The following CCDC171 variants were observed in gnomAD, a reference collection of about 807,000 sequenced individuals.
CCDC171 encodes coiled-coil domain-containing protein 171.
Under a neutral mutation model 168.2 loss-of-function variants are expected in CCDC171, and 177 were observed. That is an observed-to-expected ratio of 1.05 (90% CI 0.93 to 1.19). The LOEUF (loss-of-function observed/expected upper bound fraction) is 1.19. CCDC171 is among the 50% of genes most tolerant of loss of function. CCDC171 has a pLI of 0.00. For missense variants in CCDC171, 1,991 were observed against 1,539.0 expected, an observed-to-expected ratio of 1.29 and a Z score of -4.91; for synonymous variants, 687 against 540.8, an observed-to-expected ratio of 1.27 and a Z score of -3.75.
chr9:15,650,506 G>C (rs7023275), intron 7 of CCDC171, among the ~76,000 whole-genome samples: 2 of 151,816 alleles, frequency 1.3e-5, no homozygotes, highest in Non-Finnish European at 2.9e-5. Context: ...GCATTATTTC[G>C]TACAGTTATT....
At chr9:15,655,962 C>T (rs2132916450) in intron 7 of CCDC171, among the ~76,000 whole-genome samples, 1 of 152,196 alleles carries the variant, frequency 6.6e-6, no homozygotes, top group East Asian at 1.9e-4. Flanking sequence ...TGGAAAATTT[C>T]AAAAATTGGT....
downstream of CCDC171, among the ~76,000 whole-genome samples, chr9:16,063,831 A>G (rs1586873552): frequency 6.6e-6 from 1 of 152,340 alleles, no homozygotes; most frequent in Admixed American, 6.5e-5. Flanking sequence ...CAAAGAAGTC[A>G]AGTGACTCAC....
intron 3 of CCDC171, among the ~76,000 whole-genome samples, chr9:15,576,577 G>A (rs567244111): frequency 1.3e-5 from 2 of 152,230 alleles, no homozygotes; most frequent in African/African-American, 2.4e-5. Flanking sequence ...AACCACTCCC[G>A]TGTTCTTAAG....
At chr9:15,915,560 G>A (rs994462619) in intron 24 of CCDC171, among the ~76,000 whole-genome samples, 2 of 152,134 alleles carry the variant, frequency 1.3e-5, no homozygotes, top group Non-Finnish European at 2.9e-5. Flanking sequence ...TCATCAGCGA[G>A]CAGGGATAAT....
chr9:15,670,413 A>C (rs1186944018), intron 9 of CCDC171, among the ~76,000 whole-genome samples: 2 of 152,200 alleles, frequency 1.3e-5, no homozygotes, highest in Non-Finnish European at 2.9e-5. Context: ...TGTTAGGCTC[A>C]TGAAAAACAG....
chr9:15,593,254 G>A (rs1450030840), intron 5 of CCDC171, among the ~76,000 whole-genome samples: 1 of 152,120 alleles, frequency 6.6e-6, no homozygotes, highest in Non-Finnish European at 1.5e-5. Flanking sequence ...TCTCTCGCAT[G>A]TAAACTATAG....
At chr9:15,903,102 G>C (rs1821954336) in intron 24 of CCDC171, among the ~76,000 whole-genome samples, 1 of 152,172 alleles carries the variant, frequency 6.6e-6, no homozygotes, top group South Asian at 2.1e-4. Flanking sequence ...TCCACCTCTG[G>C]GGGTTGAGCA....
At chr9:15,770,730 G>A (rs543354806) in intron 18 of CCDC171, among the ~76,000 whole-genome samples, 4 of 152,164 alleles carry the variant, frequency 2.6e-5, no homozygotes, top group Admixed American at 2.0e-4. Flanking sequence ...GTAAGGTAGT[G>A]AGTAAGATAG....
chr9:15,739,611 T>C (rs2054718519), intron 16 of CCDC171, among the ~76,000 whole-genome samples: 1 of 152,162 alleles, frequency 6.6e-6, no homozygotes, highest in African/African-American at 2.4e-5. Context: ...GGAATATGAA[T>C]AAGCACTATA....
intron 24 of CCDC171, among the ~76,000 whole-genome samples, chr9:15,907,691 C>A (rs904717377): frequency 1.3e-5 from 2 of 152,054 alleles, no homozygotes; most frequent in African/African-American, 2.4e-5. Flanking sequence ...TTCTGCACAG[C>A]AAAAGAAACT....
chr9:15,883,977 A>G (rs189828185), intron 24 of CCDC171, among the ~76,000 whole-genome samples: 16 of 152,302 alleles, frequency 1.1e-4, no homozygotes, highest in Admixed American at 5.9e-4. Context: ...AGCAGTTGAA[A>G]TCCTTCCCCC....
At chr9:15,909,937 A>G (rs1823363002) in intron 24 of CCDC171, among the ~76,000 whole-genome samples, 1 of 152,100 alleles carries the variant, frequency 6.6e-6, no homozygotes, top group Non-Finnish European at 1.5e-5. Flanking sequence ...GTGAGTAGTG[A>G]ACATCATATC....
rs765421839 is a variant in CCDC171, at chr9:15,874,588, A to G, written c.3525A>G (p.Leu1175=). 2.5e-6 allele frequency: 4 copies of G among 1,607,498 alleles called. No homozygotes were observed. In the African/African-American group the frequency reaches 4.0e-5, roughly 16 times the overall value. Residue 1175 remains leucine (L), a synonymous_variant, in exon 24 of 26, where the codon CTA becomes CTG. Transcript: ENST00000380701. ...CGGCAAGTAGGAATGACTTCACCCT[A>G]CAGCTACCCAAACTGCACCTGGAGA... The part of the protein sequence containing the change: ...WSAASRNDFT[L]QLPKLHLETF...
At chr9:16,058,239 G>C (rs189002896) in intron 1 of CCDC171, among the ~76,000 whole-genome samples, 4 of 151,888 alleles carry the variant, frequency 2.6e-5, no homozygotes, top group Non-Finnish European at 4.4e-5. Flanking sequence ...CTTCCTGTTT[G>C]CTTTAGCCTA....
intron 1 of CCDC171, among the ~76,000 whole-genome samples, chr9:16,044,708 G>C (rs1174402256): frequency 6.6e-6 from 1 of 152,120 alleles, no homozygotes. Flanking sequence ...AGTGCACAGG[G>C]AGGAGGACGC....
At chr9:15,713,966 G>A (rs1400107931) in intron 11 of CCDC171, among the ~76,000 whole-genome samples, 1 of 151,740 alleles carries the variant, frequency 6.6e-6, no homozygotes, top group African/African-American at 2.4e-5. Flanking sequence ...TGGTTTTGGT[G>A]GTCTTTACTA....
intron 9 of CCDC171, among the ~76,000 whole-genome samples, chr9:15,677,677 G>T (rs1024274940): frequency 2.3e-4 from 34 of 150,472 alleles, no homozygotes; most frequent in Non-Finnish European, 4.6e-4. Context: ...TGTTCATACA[G>T]AATGTAAACA....
chr9:15,969,726 C>T (rs549581029), intron 25 of CCDC171, among the ~76,000 whole-genome samples: 2 of 152,312 alleles, frequency 1.3e-5, no homozygotes, highest in African/African-American at 4.8e-5. Flanking sequence ...CCATTTCCTG[C>T]TCTTCCAGCA....
the CCDC171 span, among the ~76,000 whole-genome samples, chr9:16,084,857 G>A: frequency 4.6e-5 from 7 of 152,202 alleles, no homozygotes; most frequent in Non-Finnish European, 8.8e-5. Context: ...AGAGTAGAAT[G>A]AACATGGAAT....
Sources: gnomAD v4.1 joint callset for allele counts (sites outside exome capture counted in the v4.1 genomes callset) on GRCh38, gnomAD v4.1.1 for gene constraint, MANE v1.5 for transcripts, NCBI Gene and HGNC (gene_info 2026-07-23, HGNC 2026-07-21) for gene names.